The following KIF5A variants were observed in gnomAD, a reference collection of about 807,000 sequenced individuals.
KIF5A encodes kinesin family member 5A.
A neutral mutation model predicts 141.3 loss-of-function variants in KIF5A; 35 were observed. That is an observed-to-expected ratio of 0.25 (90% CI 0.19 to 0.33). KIF5A has a LOEUF of 0.33. Among genes scored for constraint, KIF5A ranks in the 10% least tolerant of loss-of-function variants. The probability of loss-of-function intolerance (pLI) is 1.00; values close to 1 mark genes in which losing one functional copy is unlikely to be tolerated. For missense variants in KIF5A, 861 were observed against 1,314.3 expected, an observed-to-expected ratio of 0.66 and a Z score of 5.33; for synonymous variants, 448 against 500.2, an observed-to-expected ratio of 0.90 and a Z score of 1.39.
At chr12:57,575,960 C>T (rs1156669157) in intron 17 of KIF5A, 127 bp from the exon 18 acceptor site, 2 of 980,386 alleles carry the variant, frequency 2.0e-6, no homozygotes, top group African/African-American at 3.2e-5. Flanking sequence ...TCAAATTGGA[C>T]AGTCCTAACA....
intron 8 of KIF5A, 150 bp downstream of exon 8, chr12:57,567,768 C>G (rs890857850): frequency 4.9e-6 from 4 of 814,942 alleles, no homozygotes; most frequent in Non-Finnish European, 7.4e-6. Flanking sequence ...TTAAGTGATT[C>G]TCCTGCCTAA....
chr12:57,575,210 T>A lies in KIF5A; in HGVS notation c.1843T>A (p.Cys615Ser). The change falls in exon 16 of 29, where the codon TGT becomes AGT. Residue 615 changes from cysteine to serine, a missense_variant. Around this residue, in one of 5 missense-constraint regions of KIF5A, gnomAD observed 482 missense variants for 661.3 expected, o/e 0.73. Coordinates refer to ENST00000455537, the MANE Select transcript of KIF5A (RefSeq NM_004984.4). ...CRQLENLQVE[C>S]HRKMEVTGRE... ...GCAGCTGGAGAACCTCCAGGTGGAG[T>A]GTCACCGCAAGATGGAAGTGACCGG... 1 of 1,613,618 alleles carries A rather than the reference T, an allele frequency of 6.2e-7. No individual in the cohort carries two copies. Among genetic ancestry groups the A allele is most frequent in the Non-Finnish European group, 8.5e-7 (1 of 1,179,900 alleles).
rs1308434376 is a variant in KIF5A at position 57,575,030 on chromosome 12, A to C, written c.1717-54A>C. 8 of 1,561,090 alleles carry C rather than the reference A, an allele frequency of 5.1e-6. No homozygotes were observed. The South Asian group carries it at 6.7e-5, about 13-fold the overall frequency. ...GGGTAGGTAGAAGGTGGGAGGGAAC[A>C]GATAAAGCTTCCCAGCAGCCAAGAA... On this transcript the variant is annotated intron_variant, in intron 15 of 28. Coordinates refer to ENST00000455537, the MANE Select transcript of KIF5A (RefSeq NM_004984.4).
At chr12:57,571,115 T>C (rs1446865188) in intron 12 of KIF5A, among the ~76,000 whole-genome samples, 2 of 152,132 alleles carry the variant, frequency 1.3e-5, no homozygotes, top group Non-Finnish European at 2.9e-5. Context: ...TTTAAATTTT[T>C]TGTAGAGACA....
intron 6 of KIF5A, among the ~76,000 whole-genome samples, chr12:57,565,264 A>G (rs1404152946): frequency 1.3e-5 from 2 of 151,796 alleles, no homozygotes; most frequent in African/African-American, 4.8e-5. Flanking sequence ...TACTAAAAAT[A>G]CAAAAAATTA....
chr12:57,582,721 C>A (rs1405505606), intron 27 of KIF5A, 92 bp downstream of exon 27: 4 of 1,071,232 alleles, frequency 3.7e-6, no homozygotes, highest in African/African-American at 3.1e-5. Flanking sequence ...GTTCCTGGAG[C>A]CTTTGGGGAA....
chr12:57,556,264 A>C (rs985111101), intron 1 of KIF5A, among the ~76,000 whole-genome samples: 1 of 151,298 alleles, frequency 6.6e-6, no homozygotes, highest in Admixed American at 6.6e-5. Flanking sequence ...TCAGCCTCCC[A>C]AGCAGCTGGG....
intron 1 of KIF5A, among the ~76,000 whole-genome samples, chr12:57,551,520 C>T (rs976884103): frequency 6.6e-6 from 1 of 152,140 alleles, no homozygotes; most frequent in African/African-American, 2.4e-5. Context: ...GTAGGGACCT[C>T]AGGCTGTGTG....
Position 57,581,027 on chromosome 12 carries a change from G to A in KIF5A, c.2610G>A (p.Glu870=). 6.2e-7 allele frequency: 1 copy of A among 1,614,154 alleles called. No individual in the cohort carries two copies. The highest frequency in any genetic ancestry group is 8.5e-7 in the Non-Finnish European group (1 of 1,180,028). The change falls in exon 24 of 29, where the codon GAG becomes GAA. Residue 870 remains glutamate (E), a synonymous_variant. Coordinates refer to ENST00000455537, the MANE Select transcript of KIF5A (RefSeq NM_004984.4). ...KLEKRLRATA[E]RVKALEGALK... is the part of the protein sequence containing the mutation. ...AAAAACGACTTAGGGCTACGGCTGA[G>A]AGAGTTAAGGCCCTGGAGGGTGCAC...
At position 57,570,157 on chromosome 12, in the gene KIF5A, G is replaced by A. The variant is rs1217850974; in HGVS notation, c.1288G>A (p.Asp430Asn). The A allele has an allele frequency of 1.2e-6, 2 of 1,613,498 alleles. No homozygotes were observed. Among genetic ancestry groups the A allele is most frequent in the African/African-American group, 1.3e-5 (1 of 75,050 alleles). Residue 430 changes from aspartate (D) to asparagine (N), a missense_variant, in exon 12 of 29, where the codon GAC becomes AAC. Asp to Asn is a conservative substitution (Grantham distance 23, BLOSUM62 1). Transcript: ENST00000455537. ...EIRRLYKQLD[D>N]KDDEINQQSQ... ...CCGCCGTCTCTATAAGCAGCTTGAC[G>A]ACAAGGTGAGGGCGGCCAGGCAGGG... is the stretch of plus-strand genomic sequence containing the variant.
chr12:57,578,850 G>T (rs1882508306), intron 23 of KIF5A, among the ~76,000 whole-genome samples: 1 of 152,232 alleles, frequency 6.6e-6, no homozygotes, highest in South Asian at 2.1e-4. Flanking sequence ...GATCACTTGA[G>T]CACAGGAGTT....
At chr12:57,570,294 C>A in intron 12 of KIF5A, 132 bp downstream of exon 12, 2 of 781,034 alleles carry the variant, frequency 2.6e-6, no homozygotes, top group Non-Finnish European at 2.0e-6. Flanking sequence ...GTGGAAACAT[C>A]AATATAAATG....
At chr12:57,568,404 A>T (rs1197131531) in intron 8 of KIF5A, among the ~76,000 whole-genome samples, 1 of 151,940 alleles carries the variant, frequency 6.6e-6, no homozygotes, top group Non-Finnish European at 1.5e-5. Flanking sequence ...GTCTCTATGG[A>T]TTTGCCTATC....
chr12:57,571,441 G>A lies in KIF5A; in HGVS notation c.1362+52G>A, dbSNP rs1387560343. ...GAGGAAAGGGGTTCTGTTCATCACT[G>A]GAAGGCATGGAATAGACCTTTTTAA... On this transcript the variant is annotated intron_variant, in intron 13 of 28. Coordinates refer to ENST00000455537, the MANE Select transcript of KIF5A (RefSeq NM_004984.4). The A allele has an allele frequency of 2.5e-6, 4 of 1,583,862 alleles. No individual in the cohort carries two copies. In the Admixed American group the frequency reaches 5.1e-5, roughly 20 times the overall value.
At chr12:57,567,313 C>T (rs1882094020) in intron 7 of KIF5A, 100 bp downstream of exon 7, 3 of 1,258,652 alleles carry the variant, frequency 2.4e-6, no homozygotes, top group East Asian at 4.7e-5. Flanking sequence ...GAAACTGTAC[C>T]CCCCAGAGGA....
intron 15 of KIF5A, among the ~76,000 whole-genome samples, chr12:57,573,686 G>A (rs1244888962): frequency 2.0e-5 from 3 of 151,876 alleles, no homozygotes; most frequent in Non-Finnish European, 4.4e-5. Context: ...AAAATTAGCC[G>A]GGTGTGGTGG....
At chr12:57,553,289 C>A (rs1565691895) in intron 1 of KIF5A, among the ~76,000 whole-genome samples, 2 of 152,164 alleles carry the variant, frequency 1.3e-5, no homozygotes, top group Non-Finnish European at 2.9e-5. Flanking sequence ...CCCCTTCATT[C>A]AAGTGTACAC....
chr12:57,555,014 G>C (rs1881689074), intron 1 of KIF5A, among the ~76,000 whole-genome samples: 1 of 152,172 alleles, frequency 6.6e-6, no homozygotes, highest in Non-Finnish European at 1.5e-5. Flanking sequence ...TATAGGCCAG[G>C]GACTGTGTTT....
chr12:57,571,853 C>T (rs773293038), intron 13 of KIF5A, among the ~76,000 whole-genome samples: 29 of 152,204 alleles, frequency 1.9e-4, no homozygotes, highest in Non-Finnish European at 3.5e-4. Context: ...GCCACTGCGC[C>T]CGGCTGGGGC....
Sources: allele counts gnomAD v4.1 joint callset (sites outside exome capture counted in the v4.1 genomes callset), GRCh38; gene constraint gnomAD v4.1.1; regional missense constraint gnomAD v4.1.1; transcripts MANE v1.5; gene names NCBI Gene and HGNC (gene_info 2026-07-23, HGNC 2026-07-21).